The following FSTL5 variants were observed in gnomAD, a reference collection of about 807,000 sequenced individuals.
The protein encoded by FSTL5 is follistatin-related protein 5.
Under a neutral mutation model 89.1 loss-of-function variants are expected in FSTL5, and 62 were observed. The observed-to-expected ratio is 0.70, with a 90% CI of 0.57 to 0.86. The LOEUF (loss-of-function observed/expected upper bound fraction) is 0.86. Ranked by LOEUF, FSTL5 falls within the 40% of genes least tolerant of loss-of-function variation. The pLI, the probability that FSTL5 is intolerant of heterozygous loss-of-function variation, is 0.00. For synonymous variants in FSTL5, 383 were observed against 346.2 expected (o/e 1.11, Z -1.18); for missense variants, 1,057 against 1,001.6 (o/e 1.06, Z -0.75).
chr4:161,650,973 C>T (rs966566279), intron 7 of FSTL5, among the ~76,000 whole-genome samples: 20 of 152,274 alleles, frequency 1.3e-4, no homozygotes, highest in African/African-American at 4.6e-4. Context: ...GTTAACACAT[C>T]CAAAACAGTT....
intron 7 of FSTL5, among the ~76,000 whole-genome samples, chr4:161,598,319 G>A (rs774293010): frequency 5.3e-5 from 8 of 152,050 alleles, no homozygotes; most frequent in Non-Finnish European, 5.9e-5. Context: ...AGGTTGCAGT[G>A]AGCCAAAATT....
rs574504734 is a variant in FSTL5 at position 161,927,217 on chromosome 4, A to G, written c.161-6565T>C. ...ATAGTATTTTATTTTATATAAATCT[A>G]TGCAATGAGAGAAAAGGCATATGCT... On this transcript the variant is annotated intron_variant, in intron 3 of 15. Transcript: ENST00000306100. Among the ~76,000 whole-genome samples the G allele has an allele frequency of 2.0e-5, 3 of 151,830 alleles. No individual in the cohort carries two copies. In the South Asian group the frequency reaches 6.2e-4, roughly 31 times the overall value.
intron 4 of FSTL5, among the ~76,000 whole-genome samples, chr4:161,826,645 CCTTT>C (rs1353270751): frequency 3.3e-5 from 5 of 152,118 alleles, no homozygotes; most frequent in Admixed American, 6.5e-5. Context: ...TTATGTAATG[CCTTT>C]CTTTGTGTTT....
intron 4 of FSTL5, among the ~76,000 whole-genome samples, chr4:161,856,002 T>A (rs1731709086): frequency 1.3e-5 from 2 of 152,118 alleles, no homozygotes; most frequent in Admixed American, 1.3e-4. Context: ...GTTTCTTTTA[T>A]TTTTAAGGGT....
intron 3 of FSTL5, among the ~76,000 whole-genome samples, chr4:162,006,958 T>G (rs1453935790): frequency 6.6e-6 from 1 of 151,906 alleles, no homozygotes; most frequent in Admixed American, 6.6e-5. Context: ...ACAAGGCATC[T>G]GCTAACGTTC....
intron 1 of FSTL5, among the ~76,000 whole-genome samples, chr4:162,148,225 A>T (rs1230956433): frequency 6.6e-6 from 1 of 152,178 alleles, no homozygotes; most frequent in Admixed American, 6.5e-5. Context: ...TGACTTGGTG[A>T]ATAAATTAGA....
chr4:161,468,046 A>C (rs1733806161), intron 13 of FSTL5, among the ~76,000 whole-genome samples: 1 of 152,110 alleles, frequency 6.6e-6, no homozygotes, highest in Admixed American at 6.5e-5. Context: ...TAGTTTGTCC[A>C]GAATGGCCCA....
At chr4:161,840,909 A>G (rs184105576) in intron 4 of FSTL5, among the ~76,000 whole-genome samples, 171 of 152,278 alleles carry the variant, frequency 1.1e-3, no homozygotes, top group South Asian at 3.1e-3. Flanking sequence ...GTGAGATGGG[A>G]TAGATAATAG....
intron 9 of FSTL5, among the ~76,000 whole-genome samples, chr4:161,539,713 C>T (rs1731751604): frequency 6.6e-6 from 1 of 151,470 alleles, no homozygotes; most frequent in Non-Finnish European, 1.5e-5. Flanking sequence ...ACAACAACAA[C>T]AACAAAAAAG....
chr4:161,790,931 A>G lies in FSTL5; in HGVS notation c.410-14857T>C, dbSNP rs550690793. On this transcript the variant is annotated intron_variant, in intron 4 of 15. Coordinates refer to ENST00000306100, the MANE Select transcript of FSTL5 (RefSeq NM_020116.5). ...CATGGCACCCTAAAAAACTGACAGT[A>G]TTTGGGTTCATACTCAGTATGTGGC... Among the ~76,000 whole-genome samples the G allele has an allele frequency of 1.3e-3, 204 of 152,306 alleles. 2 individuals are homozygous for G. The highest frequency in any genetic ancestry group is 4.8e-3 in the African/African-American group (199 of 41,568).
rs561840978 is a variant in FSTL5, at chr4:161,636,375, T to G, written c.894+19953A>C. On this transcript the variant is annotated intron_variant, in intron 7 of 15. Coordinates refer to ENST00000306100, the MANE Select transcript of FSTL5 (RefSeq NM_020116.5). ...AAAGTAATTAGGTGTCTTTCTATAT[T>G]AAACATTATCCATAATCTCTTGCCC... Among the ~76,000 whole-genome samples the G allele has an allele frequency of 2.2e-4, 34 of 151,578 alleles. No individual in the cohort carries two copies. The South Asian group carries it at 5.6e-3, about 25-fold the overall frequency.
At chr4:161,560,838 T>A (rs1412733202) in intron 8 of FSTL5, among the ~76,000 whole-genome samples, 1 of 151,950 alleles carries the variant, frequency 6.6e-6, no homozygotes, top group Non-Finnish European at 1.5e-5. Context: ...CCTAAGGCTG[T>A]TTTACCGTTA....
chr4:161,691,721 C>G (rs559572163), intron 6 of FSTL5, among the ~76,000 whole-genome samples: 6 of 152,026 alleles, frequency 3.9e-5, no homozygotes, highest in African/African-American at 1.2e-4. Flanking sequence ...TCTAAGCATA[C>G]AAGTCTTTTA....
intron 12 of FSTL5, among the ~76,000 whole-genome samples, chr4:161,485,849 C>A (rs1729659332): frequency 6.6e-6 from 1 of 151,978 alleles, no homozygotes; most frequent in Admixed American, 6.6e-5. Flanking sequence ...TAATTAAATG[C>A]TAATGAGGCC....
At chr4:161,748,069 G>A (rs571978042) in intron 6 of FSTL5, among the ~76,000 whole-genome samples, 3 of 151,870 alleles carry the variant, frequency 2.0e-5, no homozygotes, top group Non-Finnish European at 4.4e-5. Flanking sequence ...TAACAAAATC[G>A]AATAAAACAA....
rs1361053126 is a variant in FSTL5 at position 161,385,814 on chromosome 4, T to C, written c.2477A>G (p.Asn826Ser). The change falls in exon 16 of 16, where the codon AAT becomes AGT. Residue 826 changes from asparagine (N) to serine (S), a missense_variant. By Grantham distance (46) the Asn-to-Ser change is conservative. Coordinates refer to ENST00000306100, the MANE Select transcript of FSTL5 (RefSeq NM_020116.5). ...TTCAGTGATCTCACAGTTTAATTTATTGAGTCGTCCATCTAGGATGAAGAG... is the reference window on the plus strand; with the variant it reads ...TTCAGTGATCTCACAGTTTAATTTACTGAGTCGTCCATCTAGGATGAAGAG... Reference protein sequence around the residue: ...DSLFILDGRLNKLNCEITEVE... With the variant: ...DSLFILDGRLSKLNCEITEVE... 1.9e-6 allele frequency: 3 copies of C among 1,612,510 alleles called. No individual in the cohort carries two copies. The highest frequency in any genetic ancestry group is 2.7e-5 in the African/African-American group (2 of 74,852).
At chr4:162,150,865 T>C (rs901893652) in intron 1 of FSTL5, among the ~76,000 whole-genome samples, 3 of 152,216 alleles carry the variant, frequency 2.0e-5, no homozygotes, top group Non-Finnish European at 4.4e-5. Context: ...CAAAAGTTTG[T>C]AGATCACTAG....
At chr4:161,592,239 A>T (rs1274512559) in intron 7 of FSTL5, among the ~76,000 whole-genome samples, 1 of 152,074 alleles carries the variant, frequency 6.6e-6, no homozygotes, top group Non-Finnish European at 1.5e-5. Flanking sequence ...TGAGGATATG[A>T]GGTGCTGGTA....
At chr4:161,561,320 T>A (rs868456531) in intron 8 of FSTL5, among the ~76,000 whole-genome samples, 1 of 152,012 alleles carries the variant, frequency 6.6e-6, no homozygotes, top group African/African-American at 2.4e-5. Flanking sequence ...AAGACTCTTA[T>A]CTTCCTGTCT....
Sources: gnomAD v4.1 joint callset for allele counts (sites outside exome capture counted in the v4.1 genomes callset) on GRCh38, gnomAD v4.1.1 for gene constraint, MANE v1.5 for transcripts, NCBI Gene and HGNC (gene_info 2026-07-23, HGNC 2026-07-21) for gene names.